NUDT9: variants seen among roughly 807,000 people sequenced by gnomAD.
The protein encoded by NUDT9 is ADP-ribose pyrophosphatase.
In NUDT9, 31 loss-of-function variants were observed where a neutral mutation model predicts 41.0. The ratio of observed to expected loss-of-function variants is 0.76; its 90% CI spans 0.57 to 1.02. The LOEUF (loss-of-function observed/expected upper bound fraction) is 1.02, where lower values mean the gene tolerates loss of function less well. Among genes scored for constraint, NUDT9 ranks in the 50% least tolerant of loss-of-function variants. The pLI is 0.00. For synonymous variants in NUDT9, 146 were observed against 147.6 expected, an observed-to-expected ratio of 0.99 and a Z score of 0.08; for missense variants, 380 against 431.4, an observed-to-expected ratio of 0.88 and a Z score of 1.06.
intron 1 of NUDT9, among the ~76,000 whole-genome samples, chr4:87,424,044 A>AC (rs1721282380): frequency 6.6e-6 from 1 of 152,040 alleles, no homozygotes; most frequent in African/African-American, 2.4e-5. Flanking sequence ...TAGGGGTCCT[A>AC]CCCCTTCATT....
At chr4:87,456,626 G>A (rs2110195115) in intron 7 of NUDT9, among the ~76,000 whole-genome samples, 1 of 152,228 alleles carries the variant, frequency 6.6e-6, no homozygotes, top group East Asian at 1.9e-4. Flanking sequence ...CTAGTCCAAA[G>A]GTCAGCTTTC....
At chr4:87,438,437 A>G (rs918162263) in intron 3 of NUDT9, 65 bp downstream of exon 3, 10 of 882,916 alleles carry the variant, frequency 1.1e-5, no homozygotes, top group Non-Finnish European at 1.9e-5. Flanking sequence ...GATAGTTCAT[A>G]TTTATCAAAT....
At chr4:87,451,855 A>G in intron 6 of NUDT9, 120 bp downstream of exon 6, 1 of 800,908 alleles carries the variant, frequency 1.2e-6, no homozygotes, top group Non-Finnish European at 1.9e-6. Context: ...TATATTTAAA[A>G]TATATTCACA....
At position 87,458,035 on chromosome 4, in the gene NUDT9, T is replaced by C; in HGVS notation, c.*14T>C. ...CATGCGTTGTAGCTGATGGTCTCCG[T>C]GTAAGCCAAAGGCCCACAGAGGAGC... On this transcript the variant is annotated 3_prime_UTR_variant, in exon 8 of 8. Transcript: ENST00000302174. 6.6e-7 allele frequency: 1 copy of C among 1,507,856 alleles called. No individual in the cohort carries two copies. The highest frequency in any genetic ancestry group is 8.8e-7 in the Non-Finnish European group (1 of 1,136,170). 93.4% of individuals were successfully genotyped at this position (1,507,856 alleles called of 1,614,324 possible).
intron 7 of NUDT9, among the ~76,000 whole-genome samples, chr4:87,455,305 C>T (rs905279875): frequency 6.6e-6 from 1 of 152,094 alleles, no homozygotes; most frequent in African/African-American, 2.4e-5. Flanking sequence ...ATTTTCTATT[C>T]CTGTATTTCC....
In NUDT9 at chr4:87,425,502, C is replaced by T. The variant is rs1721373882; in HGVS notation, c.107+2490C>T. Among the ~76,000 whole-genome samples, 3 of 141,670 alleles carry T rather than the reference C, an allele frequency of 2.1e-5. No homozygotes were observed. In the South Asian group the frequency reaches 6.8e-4, roughly 32 times the overall value. 92.9% of individuals were successfully genotyped at this position (141,670 alleles called of 152,430 possible). ...CTCCGCCTCCCAGGTTCTAGTGATT[C>T]TCCTGCCCCAGCCTCCCTAGTAGCT... On this transcript the variant is annotated intron_variant, in intron 1 of 7. Transcript: ENST00000302174.
At chr4:87,424,517 C>T (rs1721319062) in intron 1 of NUDT9, among the ~76,000 whole-genome samples, 1 of 152,194 alleles carries the variant, frequency 6.6e-6, no homozygotes, top group Admixed American at 6.5e-5. Context: ...CCGTCTCGGC[C>T]TCCCAAAGTG....
At chr4:87,455,889 T>C (rs931772733) in intron 7 of NUDT9, among the ~76,000 whole-genome samples, 1 of 152,148 alleles carries the variant, frequency 6.6e-6, no homozygotes, top group Non-Finnish European at 1.5e-5. Context: ...CTCAAACTCC[T>C]TACTTCAGGT....
intron 1 of NUDT9, among the ~76,000 whole-genome samples, chr4:87,429,535 G>A (rs929748857): frequency 4.6e-5 from 7 of 151,628 alleles, no homozygotes; most frequent in African/African-American, 1.7e-4. Context: ...CACTTTATTT[G>A]GTAAATTTGG....
At chr4:87,454,604 G>A in intron 7 of NUDT9, 149 bp downstream of exon 7, 9 of 538,026 alleles carry the variant, frequency 1.7e-5, no homozygotes, top group South Asian at 9.2e-5. Flanking sequence ...CAAAATTGTT[G>A]GTATTAAAGG....
chr4:87,445,878 A>T (rs1023936238), intron 4 of NUDT9, among the ~76,000 whole-genome samples: 4 of 151,982 alleles, frequency 2.6e-5, no homozygotes, highest in African/African-American at 4.8e-5. Flanking sequence ...CTGAGAACAT[A>T]TGCAAGCTGC....
chr4:87,437,377 G>T (rs1455276353), intron 2 of NUDT9, among the ~76,000 whole-genome samples: 1 of 150,956 alleles, frequency 6.6e-6, no homozygotes, highest in East Asian at 2.0e-4. Context: ...GTCTCGCTCT[G>T]TCGCCCAGGC....
intron 6 of NUDT9, among the ~76,000 whole-genome samples, chr4:87,453,876 T>G (rs75656995): frequency 6.6e-6 from 1 of 150,428 alleles, no homozygotes; most frequent in Non-Finnish European, 1.5e-5. Context: ...TTTTTTTTTT[T>G]GAGACAGAGT....
Position 87,438,321 on chromosome 4 carries a change from T to A in NUDT9, c.392T>A (p.Val131Asp). 1 of 1,611,808 alleles carries A rather than the reference T, an allele frequency of 6.2e-7. No individual in the cohort carries two copies. Among genetic ancestry groups the A allele is most frequent in the Non-Finnish European group, 8.5e-7 (1 of 1,178,270 alleles). Residue 131 changes from valine (V) to aspartate (D), a missense_variant, in exon 3 of 8, where the codon GTT becomes GAT. Transcript: ENST00000302174. ...AAGTTTAACGAAAAGGATGGGCATG[T>A]TGAGAGAAAGAGCAAGAATGGCCTG... ...SPKFNEKDGHVERKSKNGLYE... is the reference protein window; with the variant it reads ...SPKFNEKDGHDERKSKNGLYE...
Position 87,438,269 on chromosome 4 carries a change from C to A in NUDT9, c.348-8C>A. On this transcript the variant is annotated splice_region_variant and splice_polypyrimidine_tract_variant and intron_variant, in intron 2 of 7. Coordinates refer to ENST00000302174, the MANE Select transcript of NUDT9 (RefSeq NM_024047.5). ...ATTTCTTATTTTACATTGGTATTCT[C>A]ATTACAGTGAAAGTAATTTTTCTCC... is the stretch of plus-strand genomic sequence containing the variant. 3 of 1,503,094 alleles carry A rather than the reference C, an allele frequency of 2.0e-6. No homozygotes were observed. The highest frequency in any genetic ancestry group is 2.3e-5 in the South Asian group (2 of 88,476). 93.1% of individuals were successfully genotyped at this position (1,503,094 alleles called of 1,614,324 possible). A position where few individuals can be genotyped will look rare whatever the true frequency, so the allele number is the denominator to read the frequency against.
intron 4 of NUDT9, among the ~76,000 whole-genome samples, chr4:87,443,217 T>C (rs151213163): frequency 7.5e-4 from 114 of 152,220 alleles, no homozygotes; most frequent in Non-Finnish European, 6.0e-4. Context: ...TGGTCTGTTA[T>C]TGACCAAAAC....
chr4:87,452,593 G>A (rs1386664182), intron 6 of NUDT9, among the ~76,000 whole-genome samples: 1 of 151,576 alleles, frequency 6.6e-6, no homozygotes, highest in Non-Finnish European at 1.5e-5. Context: ...TGGGACCACA[G>A]GCAAACACCA....
intron 7 of NUDT9, 49 bp downstream of exon 7, chr4:87,454,504 C>A (rs1722903153): frequency 3.4e-6 from 4 of 1,172,806 alleles, no homozygotes; most frequent in African/African-American, 1.5e-5. Flanking sequence ...TCAATTTAAG[C>A]CATTAGCCCA....
chr4:87,458,229 A>G lies in NUDT9; in HGVS notation c.*208A>G, dbSNP rs1241073970. The G allele has an allele frequency of 7.5e-6, 3 of 402,092 alleles. No individual in the cohort carries two copies. Among genetic ancestry groups the G allele is most frequent in the Non-Finnish European group, 1.3e-5 (3 of 230,298 alleles). 24.9% of individuals were successfully genotyped at this position (402,092 alleles called of 1,614,324 possible). A position where few individuals can be genotyped will look rare whatever the true frequency, so the allele number is the denominator to read the frequency against. ...ATTTTCAGCTCTTTGGTCAAAAGGA[A>G]TATAAGTAATCATATTTTGTATGTA... On this transcript the variant is annotated 3_prime_UTR_variant, in exon 8 of 8. Coordinates refer to ENST00000302174, the MANE Select transcript of NUDT9 (RefSeq NM_024047.5).
Sources: gnomAD v4.1 joint callset for allele counts (sites outside exome capture counted in the v4.1 genomes callset) on GRCh38, gnomAD v4.1.1 for gene constraint, MANE v1.5 for transcripts, NCBI Gene and HGNC (gene_info 2026-07-23, HGNC 2026-07-21) for gene names.